DNAH3: variants seen among roughly 807,000 people sequenced by gnomAD.
DNAH3 encodes axonemal beta dynein heavy chain 3.
A neutral mutation model predicts 432.5 loss-of-function variants in DNAH3; 332 were observed. The observed-to-expected ratio is 0.77, with a 90% CI of 0.70 to 0.84. DNAH3 has a LOEUF of 0.84. Among genes scored for constraint, DNAH3 ranks in the 40% least tolerant of loss-of-function variants. The probability of loss-of-function intolerance (pLI) is 0.00; values close to 1 mark genes in which losing one functional copy is unlikely to be tolerated. For synonymous variants in DNAH3, 1,956 were observed against 1,900.2 expected (o/e 1.03, Z -0.76); for missense variants, 4,861 against 5,114.0 (o/e 0.95, Z 1.51).
intron 26 of DNAH3, 109 bp from the exon 27 acceptor site, chr16:21,058,305 C>T (rs1295583875): frequency 4.9e-6 from 3 of 610,730 alleles, no homozygotes; most frequent in Non-Finnish European, 9.0e-6. Context: ...ACAAAATCTT[C>T]CCCCATCCTC....
At chr16:20,968,675 C>CCT (rs565029640) in intron 52 of DNAH3, among the ~76,000 whole-genome samples, 1 of 149,762 alleles carries the variant, frequency 6.7e-6, no homozygotes. Context: ...TTCATCTGTC[C>CCT]CTCTCTCTCT....
intron 41 of DNAH3, among the ~76,000 whole-genome samples, chr16:21,004,677 CTCTT>C (rs2087192846): frequency 6.6e-6 from 1 of 151,750 alleles, no homozygotes; most frequent in Non-Finnish European, 1.5e-5. Context: ...CCTTCCCCGT[CTCTT>C]TCTTTCCTTC....
chr16:20,973,596 T>C (rs543464033), intron 51 of DNAH3, among the ~76,000 whole-genome samples: 4 of 152,252 alleles, frequency 2.6e-5, no homozygotes, highest in African/African-American at 9.6e-5. Context: ...AATGCTCAAA[T>C]GTAACCATGT....
intron 42 of DNAH3, among the ~76,000 whole-genome samples, chr16:21,001,520 A>G (rs928738281): frequency 2.0e-5 from 3 of 152,200 alleles, no homozygotes; most frequent in Non-Finnish European, 2.9e-5. Context: ...TAATGGCCCT[A>G]TGTATACTGG....
At chr16:21,000,224 C>T (rs752894449) in exon 43 of DNAH3, 1 of 1,612,362 alleles carries the variant, frequency 6.2e-7, no homozygotes, top group Non-Finnish European at 8.5e-7. Flanking sequence ...AATGCCTTAC[C>T]CACAAACACC....
chr16:21,032,184 A>G (rs1419058163), intron 36 of DNAH3, among the ~76,000 whole-genome samples: 1 of 152,194 alleles, frequency 6.6e-6, no homozygotes, highest in Non-Finnish European at 1.5e-5. Flanking sequence ...AACAGGCTGA[A>G]GGAAGAAATT....
At chr16:20,952,034 C>T (rs1486448685) in intron 56 of DNAH3, among the ~76,000 whole-genome samples, 7 of 152,152 alleles carry the variant, frequency 4.6e-5, no homozygotes, top group South Asian at 2.1e-4. Context: ...TGAGCCACCA[C>T]GCCTGGCCAA....
At chr16:21,039,213 G>GTTTTTTTTTTTTTTTTT (rs1567681489) in intron 33 of DNAH3, among the ~76,000 whole-genome samples, 1 of 103,626 alleles carries the variant, frequency 9.7e-6, no homozygotes, top group African/African-American at 3.9e-5. Context: ...TTATAGTGTT[G>GTTTTTTTTTTTTTTTTT]CTTTTTTTTT....
chr16:21,015,626 A>G (rs2087820759), intron 41 of DNAH3, among the ~76,000 whole-genome samples: 1 of 152,202 alleles, frequency 6.6e-6, no homozygotes, highest in Non-Finnish European at 1.5e-5. Flanking sequence ...CAAGATGTTA[A>G]TGAAAGAACT....
At chr16:21,005,839 CTT>C (rs200954605) in intron 41 of DNAH3, among the ~76,000 whole-genome samples, 2,407 of 130,598 alleles carry the variant, frequency 0.018, 60 homozygotes, top group African/African-American at 0.057. Context: ...TTGCTCTATT[CTT>C]TTTTTTTTTT....
At chr16:21,000,652 C>T in intron 42 of DNAH3, 134 bp from the exon 43 acceptor site, 1 of 683,088 alleles carries the variant, frequency 1.5e-6, no homozygotes, top group Non-Finnish European at 2.4e-6. Context: ...TCTTTAACCT[C>T]TCCATGGGCC....
chr16:20,935,799 T>C lies in DNAH3; in HGVS notation c.11860-314A>G, dbSNP rs1237533115. Among the ~76,000 whole-genome samples the C allele has an allele frequency of 2.0e-5, 3 of 148,012 alleles. No individual in the cohort carries two copies. The East Asian group carries it at 6.0e-4, about 30-fold the overall frequency. On this transcript the variant is annotated intron_variant, in intron 60 of 61. Transcript: ENST00000261383. ...CAGAGGTTGCAGTGAGCCAAGATCATGCCATTGCACTCCAGCCTGAGTGAC... is the reference window on the plus strand; with the variant it reads ...CAGAGGTTGCAGTGAGCCAAGATCACGCCATTGCACTCCAGCCTGAGTGAC...
intron 41 of DNAH3, among the ~76,000 whole-genome samples, chr16:21,014,339 GC>G (rs1328847949): frequency 4.6e-5 from 7 of 152,114 alleles, no homozygotes; most frequent in Non-Finnish European, 8.8e-5. Flanking sequence ...GCATTAACAA[GC>G]TAAAGAAGAA....
intron 14 of DNAH3, among the ~76,000 whole-genome samples, chr16:21,109,311 G>A (rs2092017324): frequency 1.3e-5 from 2 of 152,076 alleles, no homozygotes; most frequent in South Asian, 4.1e-4. Context: ...TGCCTAACCT[G>A]TCAGAGTCTC....
chr16:21,063,487 T>TTATTTTATTTTATTATTTTA (rs1388965275), intron 24 of DNAH3, among the ~76,000 whole-genome samples: 1 of 149,454 alleles, frequency 6.7e-6, no homozygotes, highest in Admixed American at 6.7e-5. Flanking sequence ...TTTTTTTATT[T>TTATTTTATTTTATTATTTTA]TATTTTATTT....
intron 57 of DNAH3, 117 bp from the exon 58 acceptor site, chr16:20,944,780 C>G (rs1306589357): frequency 1.6e-6 from 1 of 642,524 alleles, no homozygotes; most frequent in Non-Finnish European, 2.6e-6. Context: ...GCACAGGACA[C>G]ACACACACAC....
Position 20,997,439 on chromosome 16 carries a change from CT to C in DNAH3, c.6444del (p.Glu2149ArgfsTer12). The stretch of plus-strand genomic sequence containing the variant: ...ATGGGTGGCTGGGCCCCATACACCT[CT>C]TTGGCTGGCATGTTGAGGTCATCTG... On this transcript the variant is annotated frameshift_variant, in exon 44 of 62. Transcript: ENST00000261383. LOFTEE classifies it high-confidence loss of function. 6.2e-7 allele frequency: 1 copy of C among 1,614,116 alleles called. No homozygotes were observed. Among genetic ancestry groups the C allele is most frequent in the Non-Finnish European group, 8.5e-7 (1 of 1,179,992 alleles).
chr16:20,980,375 TG>T (rs890319698), intron 49 of DNAH3, among the ~76,000 whole-genome samples: 8 of 145,684 alleles, frequency 5.5e-5, no homozygotes, highest in Non-Finnish European at 9.0e-5. Context: ...TATATATATG[TG>T]GGGGGGGAGA....
At chr16:21,156,452 GA>G (rs1567889741) in intron 1 of DNAH3, among the ~76,000 whole-genome samples, 1 of 151,900 alleles carries the variant, frequency 6.6e-6, no homozygotes, top group African/African-American at 2.4e-5. Context: ...GGCTGGTCTC[GA>G]ACTCCTAGAC....
Sources: gnomAD v4.1 joint callset for allele counts (sites outside exome capture counted in the v4.1 genomes callset) on GRCh38, gnomAD v4.1.1 for gene constraint, MANE v1.5 for transcripts, NCBI Gene and HGNC (gene_info 2026-07-23, HGNC 2026-07-21) for gene names.